Variants in FERRY3 observed in about 807,000 individuals in gnomAD.
FERRY3 encodes the protein protein C12orf4.
chr12:4,534,124 C>A, the FERRY3 span: 2 of 1,522,778 alleles, frequency 1.3e-6, no homozygotes, highest in Non-Finnish European at 1.8e-6. Context: ...TCCAGAATAT[C>A]CTTGAAATTT....
chr12:4,496,992 T>C, the FERRY3 span, among the ~76,000 whole-genome samples: 1 of 152,172 alleles, frequency 6.6e-6, no homozygotes, highest in African/African-American at 2.4e-5. Context: ...CTACCAAAGC[T>C]AAACATAAAT....
chr12:4,531,071 A>G, the FERRY3 span, among the ~76,000 whole-genome samples: 5,855 of 152,242 alleles, frequency 0.038, 379 homozygotes, highest in African/African-American at 0.13. Context: ...TAAAACAAAC[A>G]AACACATCAC....
chr12:4,507,674 A>T, the FERRY3 span, among the ~76,000 whole-genome samples: 1 of 152,352 alleles, frequency 6.6e-6, no homozygotes, highest in African/African-American at 2.4e-5. Context: ...GAGGAGACTG[A>T]TTAATAACAG....
chr12:4,534,247 A>T, the FERRY3 span: 1 of 1,612,676 alleles, frequency 6.2e-7, no homozygotes, highest in Non-Finnish European at 8.5e-7. Context: ...CAGCATCTCT[A>T]TCATAATCGC....
chr12:4,506,491 T>G, the FERRY3 span, among the ~76,000 whole-genome samples: 1 of 152,170 alleles, frequency 6.6e-6, no homozygotes, highest in Non-Finnish European at 1.5e-5. Flanking sequence ...TTTAATGAAT[T>G]ATCGTTTCTA....
chr12:4,509,429 T>G, the FERRY3 span: 1 of 151,520 alleles, frequency 6.6e-6, no homozygotes, highest in Non-Finnish European at 1.5e-5. Context: ...CTCTGTAGGC[T>G]CCACCTCTGG....
At chr12:4,513,158 AAAAT>A in the FERRY3 span, among the ~76,000 whole-genome samples, 1 of 64,732 alleles carries the variant, frequency 1.5e-5, no homozygotes, top group Non-Finnish European at 2.9e-5. Flanking sequence ...CAAAGAGAAT[AAAAT>A]ACCTAGGAAT....
At chr12:4,533,595 G>A in the FERRY3 span, among the ~76,000 whole-genome samples, 2 of 152,118 alleles carry the variant, frequency 1.3e-5, no homozygotes, top group African/African-American at 2.4e-5. Flanking sequence ...AAAATCATTT[G>A]TGATATACCT....
At chr12:4,535,616 A>C in the FERRY3 span, among the ~76,000 whole-genome samples, 7,627 of 152,298 alleles carry the variant, frequency 0.05, 632 homozygotes, top group African/African-American at 0.17. This position sits in a 1 kb window ranked among gnomAD's most constrained non-coding sequence, Gnocchi z 4.0. Context: ...CTATTCAAAA[A>C]TTAGTACACT....
chr12:4,496,075 A>AACACAC, the FERRY3 span, among the ~76,000 whole-genome samples: 2 of 152,022 alleles, frequency 1.3e-5, no homozygotes, highest in African/African-American at 4.8e-5. Flanking sequence ...CACGCACACA[A>AACACAC]ACACACACAC....
the FERRY3 span, chr12:4,490,707 G>A: frequency 2.7e-6 from 2 of 741,356 alleles, no homozygotes; most frequent in African/African-American, 3.6e-5. Flanking sequence ...TTTTTAGGTA[G>A]CCATTTGCTC....
chr12:4,520,965 C>G, the FERRY3 span, among the ~76,000 whole-genome samples: 1 of 152,242 alleles, frequency 6.6e-6, no homozygotes, highest in South Asian at 2.1e-4. Context: ...ATAAGATGTA[C>G]ACAACCTTCA....
the FERRY3 span, among the ~76,000 whole-genome samples, chr12:4,524,033 C>CT: frequency 6.6e-3 from 964 of 146,128 alleles, 10 homozygotes; most frequent in African/African-American, 0.022. Flanking sequence ...TAAGAGATAA[C>CT]TTTTTTTTTT....
chr12:4,511,413 C>T, the FERRY3 span, among the ~76,000 whole-genome samples: 1 of 152,188 alleles, frequency 6.6e-6, no homozygotes, highest in African/African-American at 2.4e-5. Context: ...ACAGAACTCT[C>T]CACCCCAAAT....
the FERRY3 span, chr12:4,535,910 G>T: frequency 2.3e-6 from 2 of 881,264 alleles, no homozygotes; most frequent in Non-Finnish European, 3.2e-6. This position sits in a 1 kb window ranked among gnomAD's most constrained non-coding sequence, Gnocchi z 4.0. Flanking sequence ...CTATGTTATG[G>T]CTGTTTCCAA....
At chr12:4,500,492 T>A in the FERRY3 span, 1 of 665,182 alleles carries the variant, frequency 1.5e-6, no homozygotes, top group Non-Finnish European at 2.6e-6. Flanking sequence ...CAACTGTGAT[T>A]ACTGCTCTTC....
chr12:4,488,134 C>T, the FERRY3 span: 9 of 152,118 alleles, frequency 5.9e-5, no homozygotes, highest in African/African-American at 1.4e-4. This position sits in a 1 kb window ranked among gnomAD's most constrained non-coding sequence, Gnocchi z 4.9. Flanking sequence ...AACGGACATT[C>T]GATAAATTTA....
the FERRY3 span, among the ~76,000 whole-genome samples, chr12:4,516,232 T>C: frequency 6.6e-6 from 1 of 152,164 alleles, no homozygotes. Context: ...GATCACCAAC[T>C]TTCCACTGAG....
chr12:4,533,123 A>G, the FERRY3 span, among the ~76,000 whole-genome samples: 7 of 152,192 alleles, frequency 4.6e-5, no homozygotes, highest in African/African-American at 1.7e-4. Flanking sequence ...AATATTCTCA[A>G]CTTCCTGCTA....
Sources: gnomAD v4.1 joint callset for allele counts (sites outside exome capture counted in the v4.1 genomes callset) on GRCh38, gnomAD v4.1.1 for gene constraint, Gnocchi (gnomAD v3.1) non-coding constraint, MANE v1.5 for transcripts, NCBI Gene and HGNC (gene_info 2026-07-23, HGNC 2026-07-21) for gene names.